TIGAR: variants seen among roughly 807,000 people sequenced by gnomAD.
The protein encoded by TIGAR is TP53 induced glycolysis regulatory phosphatase, also known as fructose-2,6-bisphosphatase TIGAR.
Under a neutral mutation model 17.9 loss-of-function variants are expected in TIGAR, and 7 were observed. The observed-to-expected ratio is 0.39, with a 90% CI of 0.22 to 0.73. The LOEUF is 0.73. TIGAR is among the 30% of genes least tolerant of loss of function. TIGAR has a pLI of 0.42. For missense variants in TIGAR, 258 were observed against 327.4 expected, an observed-to-expected ratio of 0.79 and a Z score of 1.64; for synonymous variants, 94 against 108.6, an observed-to-expected ratio of 0.87 and a Z score of 0.84.
chr12:4,337,210 A>G (rs765818531), intron 3 of TIGAR, 50 bp downstream of exon 3: 5 of 1,440,966 alleles, frequency 3.5e-6, no homozygotes. Context: ...CTCTATGCCC[A>G]GGCTGGAGTG....
At chr12:4,324,667 C>T in intron 1 of TIGAR, 2 of 1,161,988 alleles carry the variant, frequency 1.7e-6, no homozygotes, top group Non-Finnish European at 1.3e-6. Flanking sequence ...CCGCCGCAGG[C>T]CCGGGTTCAC....
rs1864472649 is a variant in TIGAR, at chr12:4,321,250, G to A, written c.-22G>A. 1 of 1,600,446 alleles carries A rather than the reference G, an allele frequency of 6.2e-7. No individual in the cohort carries two copies. Among genetic ancestry groups the A allele is most frequent in the Non-Finnish European group, 8.5e-7 (1 of 1,179,752 alleles). On this transcript the variant is annotated 5_prime_UTR_variant, in exon 1 of 6. Coordinates refer to ENST00000179259, the MANE Select transcript of TIGAR (RefSeq NM_020375.3). The surrounding 1 kb of genome is among the most constrained non-coding windows in gnomAD (Gnocchi z 5.2). ...AGGGGCAGCGCGGCGCGGGGCCACC[G>A]ACGGGACGCGGCTCCGGGAACATGG...
intron 3 of TIGAR, among the ~76,000 whole-genome samples, chr12:4,345,630 ATGTTAGACC>A (rs1008987497): frequency 6.6e-6 from 1 of 152,248 alleles, no homozygotes; most frequent in African/African-American, 2.4e-5. Context: ...AAAGACTTAC[ATGTTAGACC>A]TAAAACCATA....
In TIGAR at chr12:4,324,665, G is replaced by C. The variant is rs922084525; in HGVS notation, c.32+3362G>C. 5 of 1,190,662 alleles carry C rather than the reference G, an allele frequency of 4.2e-6. No homozygotes were observed. In the African/African-American group the frequency reaches 6.0e-5, roughly 14 times the overall value. 73.8% of individuals were successfully genotyped at this position (1,190,662 alleles called of 1,614,324 possible). The stretch of plus-strand genomic sequence containing the variant: ...AGCAGCGAGTTCTGTTTCCGCCGCA[G>C]GCCCGGGTTCACTTGCGGCCGCTGG... On this transcript the variant is annotated intron_variant, in intron 1 of 5. Transcript: ENST00000179259.
rs575472708 is a variant in TIGAR, at chr12:4,330,042, G to A, written c.33-1238G>A. Among the ~76,000 whole-genome samples, 3 of 152,204 alleles carry A rather than the reference G, an allele frequency of 2.0e-5. No individual in the cohort carries two copies. The South Asian group carries it at 6.2e-4, about 32-fold the overall frequency. ...TGGGTCTTAAAGAACATTCATATTGGCCAAATCCAGCAATCTGTATCTTGG... is the reference window on the plus strand; with the variant it reads ...TGGGTCTTAAAGAACATTCATATTGACCAAATCCAGCAATCTGTATCTTGG... On this transcript the variant is annotated intron_variant, in intron 1 of 5. Transcript: ENST00000179259.
At position 4,338,085 on chromosome 12, in the gene TIGAR, G is replaced by A. The variant is rs148003538; in HGVS notation, c.192+925G>A. On this transcript the variant is annotated intron_variant, in intron 3 of 5. Coordinates refer to ENST00000179259, the MANE Select transcript of TIGAR (RefSeq NM_020375.3). ...GCAGAGGTTGCAGTGAGCCAAGATC[G>A]TGCCGTTGCATGGTTGGGCTACAGA... 5.2e-4 allele frequency among the ~76,000 whole-genome samples: 79 copies of A among 152,238 alleles called. 1 individual carries two copies. Among genetic ancestry groups the A allele is most frequent in the African/African-American group, 1.5e-3 (62 of 41,540 alleles).
chr12:4,322,511 A>G (rs116869635), intron 1 of TIGAR, among the ~76,000 whole-genome samples: 16 of 152,348 alleles, frequency 1.1e-4, no homozygotes, highest in Non-Finnish European at 2.1e-4. Flanking sequence ...AGCTCCAATA[A>G]AAGTGCAGTT....
chr12:4,346,611 G>C (rs1054398694), intron 3 of TIGAR, among the ~76,000 whole-genome samples: 43 of 152,052 alleles, frequency 2.8e-4, no homozygotes, highest in African/African-American at 1.0e-3. Flanking sequence ...GTTGTGGGAT[G>C]GGGGGACGGG....
Position 4,356,207 on chromosome 12 carries a change from A to T in TIGAR, c.*3516A>T, listed in dbSNP as rs1864899627. Among the ~76,000 whole-genome samples the T allele has an allele frequency of 6.6e-6, 1 of 152,150 alleles. No homozygotes were observed. Among genetic ancestry groups the T allele is most frequent in the Admixed American group, 6.5e-5 (1 of 15,274 alleles). ...GCCATTTGAAGAAGCAAGGCCAGGG[A>T]TGTTGGCAGGGACCAGGCCAGAGTG... On this transcript the variant is annotated 3_prime_UTR_variant, in exon 6 of 6. Transcript: ENST00000179259.
chr12:4,355,921 G>A lies in TIGAR; in HGVS notation c.*3230G>A, dbSNP rs1864895823. ...AGGAGTAGAGTGCAGAGGCCATGAG[G>A]AAGGATCAGGCTTGACTCCTTTGAG... On this transcript the variant is annotated 3_prime_UTR_variant, in exon 6 of 6. Transcript: ENST00000179259. Among the ~76,000 whole-genome samples, 1 of 152,332 alleles carries A rather than the reference G, an allele frequency of 6.6e-6. No homozygotes were observed. Among genetic ancestry groups the A allele is most frequent in the South Asian group, 2.1e-4 (1 of 4,832 alleles).
chr12:4,335,546 C>T (rs1221751693), intron 2 of TIGAR: 1 of 152,222 alleles, frequency 6.6e-6, no homozygotes, highest in Admixed American at 6.5e-5. Context: ...CCTCTTTGTG[C>T]CATGGGAGCA....
In TIGAR at chr12:4,354,816, C is replaced by T. The variant is rs1203452646; in HGVS notation, c.*2125C>T. Among the ~76,000 whole-genome samples, 1 of 150,138 alleles carries T rather than the reference C, an allele frequency of 6.7e-6. No homozygotes were observed. Among genetic ancestry groups the T allele is most frequent in the Non-Finnish European group, 1.5e-5 (1 of 67,668 alleles). ...GCGTGATCTTGGCTCACTGCAACCT[C>T]CACCTCTCGGGTTCAAGCAATTCTT... On this transcript the variant is annotated 3_prime_UTR_variant, in exon 6 of 6. Transcript: ENST00000179259.
At chr12:4,324,769 T>G (rs1591658302) in intron 1 of TIGAR, 1 of 675,838 alleles carries the variant, frequency 1.5e-6, no homozygotes. Context: ...CCGCGGTAGG[T>G]GAGTTTGCGG....
intron 3 of TIGAR, among the ~76,000 whole-genome samples, chr12:4,337,935 A>G (rs1864678285): frequency 6.6e-6 from 1 of 152,204 alleles, no homozygotes; most frequent in Admixed American, 6.5e-5. Context: ...GTTCAAGACC[A>G]GCCTGGCCAA....
Position 4,351,392 on chromosome 12 carries a change from C to T in TIGAR, c.381+15C>T, listed in dbSNP as rs771644720. 32 of 1,603,720 alleles carry T rather than the reference C, an allele frequency of 2.0e-5. No homozygotes were observed. The highest frequency in any genetic ancestry group is 1.7e-4 in the South Asian group (15 of 90,750). On this transcript the variant is annotated intron_variant, in intron 5 of 5. Transcript: ENST00000179259. ...CGCTGGACCAGGTATGTGGCGCTGCCGATGTCAGAATGGTTGAATTAAGAC... is the reference window on the plus strand; with the variant it reads ...CGCTGGACCAGGTATGTGGCGCTGCTGATGTCAGAATGGTTGAATTAAGAC...
rs1457194491 is a variant in TIGAR at position 4,349,862 on chromosome 12, T to C, written c.236T>C (p.Met79Thr). The C allele has an allele frequency of 1.9e-6, 3 of 1,581,372 alleles. No individual in the cohort carries two copies. The highest frequency in any genetic ancestry group is 2.6e-6 in the Non-Finnish European group (3 of 1,168,378). Residue 79 changes from methionine (M) to threonine (T), a missense_variant, in exon 4 of 6, where the codon ATG (methionine) becomes ACG (threonine). Physicochemically the swap from Met to Thr is moderately conservative, Grantham distance 81. Coordinates refer to ENST00000179259, the MANE Select transcript of TIGAR (RefSeq NM_020375.3). ...GAGAGAAGCAAATTTTGCAAAGATATGACGGTAAAGTATGACTCAAGACTT... is the reference window on the plus strand; with the variant it reads ...GAGAGAAGCAAATTTTGCAAAGATACGACGGTAAAGTATGACTCAAGACTT... ...ILERSKFCKD[M>T]TVKYDSRLRE...
intron 1 of TIGAR, chr12:4,324,661 C>T: frequency 3.3e-6 from 4 of 1,230,446 alleles, no homozygotes; most frequent in Admixed American, 2.0e-5. Flanking sequence ...CTGTTTCCGC[C>T]GCAGGCCCGG....
chr12:4,322,499 A>C (rs1864491951), intron 1 of TIGAR, among the ~76,000 whole-genome samples: 1 of 152,350 alleles, frequency 6.6e-6, no homozygotes, highest in South Asian at 2.1e-4. Flanking sequence ...TTCTATAAAG[A>C]AAGCTCCAAT....
Position 4,357,983 on chromosome 12 carries a change from A to G in TIGAR, c.*5292A>G, listed in dbSNP as rs1316383155. Among the ~76,000 whole-genome samples, 1 of 151,938 alleles carries G rather than the reference A, an allele frequency of 6.6e-6. No homozygotes were observed. Among genetic ancestry groups the G allele is most frequent in the Non-Finnish European group, 1.5e-5 (1 of 68,000 alleles). ...GCCAGGCCTGGTGGCCGGCGCCTGT[A>G]GTCCCAGCTACTTGGGAGGCTGAGG... On this transcript the variant is annotated 3_prime_UTR_variant, in exon 6 of 6. Transcript: ENST00000179259.
Sources: gnomAD v4.1 joint callset for allele counts (sites outside exome capture counted in the v4.1 genomes callset) on GRCh38, gnomAD v4.1.1 for gene constraint, Gnocchi (gnomAD v3.1) non-coding constraint, MANE v1.5 for transcripts, NCBI Gene and HGNC (gene_info 2026-07-23, HGNC 2026-07-21) for gene names.